Variants in WNK2 observed in about 807,000 individuals in gnomAD.
WNK2 encodes serine/threonine-protein kinase WNK2.
A neutral mutation model predicts 192.1 loss-of-function variants in WNK2; 67 were observed. The ratio of observed to expected loss-of-function variants is 0.35; its 90% confidence interval spans 0.29 to 0.43. WNK2 has a LOEUF of 0.43. Among genes scored for constraint, WNK2 ranks in the 20% least tolerant of loss-of-function variants. The pLI is 1.00. For synonymous variants in WNK2, 1,439 were observed against 1,393.9 expected (o/e 1.03, Z -0.72); for missense variants, 2,698 against 3,089.7 (o/e 0.87, Z 3.01).
chr9:93,302,759 C>T (rs1851833616), intron 26 of WNK2, among the ~76,000 whole-genome samples: 1 of 152,116 alleles, frequency 6.6e-6, no homozygotes, highest in South Asian at 2.1e-4. Context: ...GCAGTGGAGG[C>T]TGGGAGCAGC....
chr9:93,218,386 C>T (rs973837342), intron 2 of WNK2, among the ~76,000 whole-genome samples: 10 of 152,160 alleles, frequency 6.6e-5, no homozygotes, highest in Admixed American at 3.9e-4. Context: ...TTTCTAGAAA[C>T]CAGATACATG....
chr9:93,246,403 C>A (rs1442530545), intron 7 of WNK2, among the ~76,000 whole-genome samples: 1 of 152,200 alleles, frequency 6.6e-6, no homozygotes, highest in African/African-American at 2.4e-5. Context: ...GAACTCAGTT[C>A]ACAAGTACGC....
intron 14 of WNK2, 80 bp downstream of exon 14, chr9:93,262,799 C>T: frequency 6.7e-7 from 1 of 1,492,234 alleles, no homozygotes; most frequent in Non-Finnish European, 9.2e-7. Flanking sequence ...GCTCCTGCTG[C>T]TGCTTCCCCT....
At chr9:93,307,059 T>C (rs1852714502) in intron 27 of WNK2, 1 of 576,840 alleles carries the variant, frequency 1.7e-6, no homozygotes, top group South Asian at 2.0e-5. Context: ...AGTTCACATC[T>C]AACGGGCTTA....
intron 26 of WNK2, among the ~76,000 whole-genome samples, chr9:93,303,330 G>T (rs904896645): frequency 6.6e-6 from 1 of 152,126 alleles, no homozygotes; most frequent in Non-Finnish European, 1.5e-5. Flanking sequence ...CAGAAGCTGG[G>T]GTCCTTCTGG....
At chr9:93,223,839 G>A (rs1049577648) in intron 2 of WNK2, among the ~76,000 whole-genome samples, 4 of 152,238 alleles carry the variant, frequency 2.6e-5, no homozygotes, top group Non-Finnish European at 4.4e-5. Flanking sequence ...ACCCTCCCGG[G>A]GGTGGAGGGA....
chr9:93,294,239 G>C (rs1849869417), intron 23 of WNK2, among the ~76,000 whole-genome samples: 1 of 152,190 alleles, frequency 6.6e-6, no homozygotes. Context: ...AGGCTGGCGG[G>C]GTGGTCAGTG....
At chr9:93,269,911 A>G (rs750633957) in intron 19 of WNK2, among the ~76,000 whole-genome samples, 1 of 152,264 alleles carries the variant, frequency 6.6e-6, no homozygotes, top group Non-Finnish European at 1.5e-5. Context: ...CCAAAAAATG[A>G]TAAAAGTCAT....
rs918631189 is a variant in WNK2, at chr9:93,184,348, C to T, written c.-40C>T. On this transcript the variant is annotated 5_prime_UTR_variant, in exon 1 of 30. Transcript: ENST00000427277. Reference sequence around the variant, plus strand: ...ATCTCTCCCGCCTCGCACGCCCTGGCCGCCGGGCCGCGGGCATGGACGGCG... The same window carrying T: ...ATCTCTCCCGCCTCGCACGCCCTGGTCGCCGGGCCGCGGGCATGGACGGCG... Among the ~76,000 whole-genome samples, 15 of 151,164 alleles carry T rather than the reference C, an allele frequency of 9.9e-5. No individual in the cohort carries two copies. The highest frequency in any genetic ancestry group is 3.6e-4 in the African/African-American group (15 of 41,288).
intron 19 of WNK2, among the ~76,000 whole-genome samples, chr9:93,273,877 A>T (rs972659468): frequency 1.3e-5 from 2 of 152,224 alleles, no homozygotes; most frequent in African/African-American, 4.8e-5. Context: ...AGTTGGAAGG[A>T]ATATTAGAAA....
intron 8 of WNK2, among the ~76,000 whole-genome samples, chr9:93,251,795 C>T (rs1179109301): frequency 6.6e-6 from 1 of 152,188 alleles, no homozygotes; most frequent in Non-Finnish European, 1.5e-5. Context: ...TCCCCTTCCT[C>T]CCCATCCTCC....
At chr9:93,227,611 C>G (rs1838035865) in intron 2 of WNK2, among the ~76,000 whole-genome samples, 1 of 152,098 alleles carries the variant, frequency 6.6e-6, no homozygotes, top group Admixed American at 6.5e-5. Context: ...GATCTGAGTC[C>G]TTTGTCAGAT....
chr9:93,231,361 CCTG>C (rs1006671564), intron 4 of WNK2, among the ~76,000 whole-genome samples: 18 of 152,244 alleles, frequency 1.2e-4, no homozygotes, highest in African/African-American at 4.3e-4. Flanking sequence ...GCCTCCCTCC[CCTG>C]CTGCCCCTGC....
chr9:93,292,668 C>A lies in WNK2; in HGVS notation c.5203C>A (p.Gln1735Lys), dbSNP rs745410267. 2.5e-6 allele frequency: 4 copies of A among 1,577,768 alleles called. No homozygotes were observed. The South Asian group carries it at 3.5e-5, about 14-fold the overall frequency. The part of the protein sequence containing the change: ...ALGSPRKRPE[Q>K]QDVSSPAKTV... The stretch of plus-strand genomic sequence containing the variant: ...GGGGTCCCCTCGGAAACGTCCAGAG[C>A]AGCAGGATGTCAGCTCACCAGCCAA... The change falls in exon 23 of 30, where the codon CAG becomes AAG. Residue 1735 changes from glutamine (Q) to lysine (K), a missense_variant. Coordinates refer to ENST00000427277, the MANE Select transcript of WNK2 (RefSeq NM_006648.4).
At chr9:93,276,240 G>A (rs1222404034) in intron 19 of WNK2, among the ~76,000 whole-genome samples, 1 of 152,296 alleles carries the variant, frequency 6.6e-6, no homozygotes, top group East Asian at 1.9e-4. Flanking sequence ...TATTGGCAAA[G>A]GGATTGGTAC....
intron 28 of WNK2, among the ~76,000 whole-genome samples, chr9:93,310,029 C>T (rs552144438): frequency 5.9e-5 from 9 of 152,316 alleles, no homozygotes; most frequent in East Asian, 3.9e-4. Flanking sequence ...TTAGTGCTTG[C>T]GGTTTGTGGA....
chr9:93,261,969 C>T lies in WNK2; in HGVS notation c.3222C>T (p.Ala1074=), dbSNP rs1311676634. The change falls in exon 13 of 30, where the codon GCC becomes GCT. Residue 1074 remains alanine, a synonymous_variant. Coordinates refer to ENST00000427277, the MANE Select transcript of WNK2 (RefSeq NM_006648.4). The part of the protein sequence containing the change: ...ELLPQFPSSL[A]TVSASVQSVP... The stretch of plus-strand genomic sequence containing the variant: ...TGCCTCAGTTCCCCAGCTCCCTGGC[C>T]ACGGTGTCTGCCTCTGTGCAGAGTG... 3.7e-6 allele frequency: 6 copies of T among 1,611,884 alleles called. No individual in the cohort carries two copies. The Admixed American group carries it at 8.3e-5, about 22-fold the overall frequency.
At chr9:93,206,362 C>A (rs1263579016) in intron 2 of WNK2, among the ~76,000 whole-genome samples, 1 of 152,156 alleles carries the variant, frequency 6.6e-6, no homozygotes, top group Non-Finnish European at 1.5e-5. Context: ...GGGGGAAACC[C>A]CCACCCCTTC....
chr9:93,278,102 A>T (rs1484804727), intron 19 of WNK2, among the ~76,000 whole-genome samples: 1 of 152,198 alleles, frequency 6.6e-6, no homozygotes, highest in Non-Finnish European at 1.5e-5. Flanking sequence ...CAAGACTGAA[A>T]AAAAGTCACT....
Sources: gnomAD v4.1 joint callset for allele counts (sites outside exome capture counted in the v4.1 genomes callset) on GRCh38, gnomAD v4.1.1 for gene constraint, MANE v1.5 for transcripts, NCBI Gene and HGNC (gene_info 2026-07-23, HGNC 2026-07-21) for gene names.